The following STYK1 variants were observed in gnomAD, a reference collection of about 807,000 sequenced individuals.
STYK1 encodes the protein tyrosine-protein kinase STYK1.
A neutral mutation model predicts 48.1 loss-of-function variants in STYK1; 46 were observed. The observed-to-expected ratio is 0.96, with a 90% confidence interval of 0.75 to 1.22. The LOEUF is 1.22. Among genes scored for constraint, STYK1 ranks in the 50% most tolerant of loss-of-function variants. The pLI is 0.00. For missense variants in STYK1, 527 were observed against 521.1 expected, an observed-to-expected ratio of 1.01 and a Z score of -0.11; for synonymous variants, 188 against 189.0, an observed-to-expected ratio of 0.99 and a Z score of 0.04.
chr12:10,639,459 G>A (rs1947520670), intron 1 of STYK1, among the ~76,000 whole-genome samples: 1 of 151,840 alleles, frequency 6.6e-6, no homozygotes, highest in Non-Finnish European at 1.5e-5. Context: ...TGTGGGCCCA[G>A]GCTGGAGTGC....
intron 9 of STYK1, among the ~76,000 whole-genome samples, chr12:10,622,347 T>C (rs529428666): frequency 6.6e-6 from 1 of 152,332 alleles, no homozygotes; most frequent in South Asian, 2.1e-4. Flanking sequence ...ACTCTGGGAA[T>C]TATCCTTGGG....
At chr12:10,620,510 A>G (rs1253727320) in intron 10 of STYK1, among the ~76,000 whole-genome samples, 162 bp from the exon 11 acceptor site, 4 of 152,146 alleles carry the variant, frequency 2.6e-5, no homozygotes, top group African/African-American at 9.7e-5. Flanking sequence ...TTCCTTCTCA[A>G]TCTTTTTATA....
At chr12:10,654,066 G>A (rs1947691451) in intron 1 of STYK1, among the ~76,000 whole-genome samples, 1 of 152,098 alleles carries the variant, frequency 6.6e-6, no homozygotes, top group Non-Finnish European at 1.5e-5. Context: ...GTGACCTCTG[G>A]TCATCCTCAC....
chr12:10,627,469 G>A (rs1372109218), intron 7 of STYK1, among the ~76,000 whole-genome samples, 172 bp downstream of exon 7: 2 of 152,090 alleles, frequency 1.3e-5, no homozygotes, highest in Admixed American at 6.5e-5. Context: ...AAATCCCTAA[G>A]GAAGGGACTA....
In STYK1 at chr12:10,619,756, C is replaced by A; in HGVS notation, c.*388G>T. 1 of 375,084 alleles carries A rather than the reference C, an allele frequency of 2.7e-6. No individual in the cohort carries two copies. Among genetic ancestry groups the A allele is most frequent in the Non-Finnish European group, 4.7e-6 (1 of 211,210 alleles). 23.2% of individuals were successfully genotyped at this position (375,084 alleles called of 1,614,324 possible). A position where few individuals can be genotyped will look rare whatever the true frequency, so the allele number is the denominator to read the frequency against. On this transcript the variant is annotated 3_prime_UTR_variant, in exon 11 of 11. Transcript: ENST00000075503. ...TCCCTTCAACTCTTTTATTGGATTTCTATTCCTTCATTTCATTCCAAATTT... is the reference window on the plus strand; with the variant it reads ...TCCCTTCAACTCTTTTATTGGATTTATATTCCTTCATTTCATTCCAAATTT...
At chr12:10,622,501 T>G (rs1244808340) in intron 9 of STYK1, 137 bp downstream of exon 9, 1 of 909,028 alleles carries the variant, frequency 1.1e-6, no homozygotes, top group Non-Finnish European at 1.7e-6. Context: ...GGAATCAGGC[T>G]TAGATAACAT....
intron 9 of STYK1, among the ~76,000 whole-genome samples, chr12:10,622,407 G>A (rs1265185711): frequency 6.6e-6 from 1 of 152,126 alleles, no homozygotes; most frequent in Non-Finnish European, 1.5e-5. Context: ...AAATAAAGAG[G>A]AAGAGAGCAA....
At chr12:10,647,323 G>T (rs1360833716) in intron 1 of STYK1, among the ~76,000 whole-genome samples, 1 of 152,224 alleles carries the variant, frequency 6.6e-6, no homozygotes, top group African/African-American at 2.4e-5. Flanking sequence ...TGACCTGGAT[G>T]TGAGACATAG....
intron 4 of STYK1, 42 bp downstream of exon 4, chr12:10,633,948 T>C: frequency 6.3e-7 from 1 of 1,599,456 alleles, no homozygotes; most frequent in South Asian, 1.1e-5. Context: ...CTAATCTCCA[T>C]CTTCTTTAAG....
At chr12:10,627,396 T>A (rs903533731) in intron 7 of STYK1, among the ~76,000 whole-genome samples, 1 of 152,210 alleles carries the variant, frequency 6.6e-6, no homozygotes, top group South Asian at 2.1e-4. Flanking sequence ...CTGTTCCTTG[T>A]ATAAACCCTA....
In STYK1 at chr12:10,630,959, T is replaced by C; in HGVS notation, c.451+86A>G. ...TTCTGTACACAGTTATGATCACAAC[T>C]ATCTGTTAGTTAACATCTCAATGTT... On this transcript the variant is annotated intron_variant, in intron 5 of 10. Transcript: ENST00000075503. The C allele has an allele frequency of 2.0e-6, 3 of 1,522,592 alleles. No individual in the cohort carries two copies. The Admixed American group carries it at 5.2e-5, about 27-fold the overall frequency. The allele number at this position is 1,522,592 out of a possible 1,614,324, so 94.3% of individuals were successfully genotyped here. A position where few individuals can be genotyped will look rare whatever the true frequency, so the allele number is the denominator to read the frequency against.
chr12:10,663,598 CAAAAAAAAAAAAAAAAAAAAAAAAAA>C (rs34019110), intron 1 of STYK1, among the ~76,000 whole-genome samples: 1 of 51,472 alleles, frequency 1.9e-5, no homozygotes, highest in Non-Finnish European at 3.5e-5. Flanking sequence ...GACTCTGTCT[CAAAAAAAAAAAAAAAAAAAAAAAAAA>C]AAAAAAAAAA....
chr12:10,631,975 C>T (rs867836145), intron 4 of STYK1, among the ~76,000 whole-genome samples: 1 of 152,166 alleles, frequency 6.6e-6, no homozygotes, highest in African/African-American at 2.4e-5. Context: ...AGTCCAGATT[C>T]ACCTGAAGAT....
chr12:10,621,049 G>C (rs1186230908), intron 10 of STYK1, among the ~76,000 whole-genome samples: 1 of 152,064 alleles, frequency 6.6e-6, no homozygotes, highest in African/African-American at 2.4e-5. Context: ...TAATCTGCTT[G>C]ATGCAGTAAT....
At chr12:10,638,033 G>A (rs755062181) in intron 1 of STYK1, among the ~76,000 whole-genome samples, 18 of 152,108 alleles carry the variant, frequency 1.2e-4, no homozygotes, top group Non-Finnish European at 2.4e-4. Flanking sequence ...ATATATGTAG[G>A]CTACTGCTTC....
intron 1 of STYK1, among the ~76,000 whole-genome samples, chr12:10,645,434 A>G (rs1947588283): frequency 6.6e-6 from 1 of 152,074 alleles, no homozygotes; most frequent in Non-Finnish European, 1.5e-5. Context: ...GGGAACTGGT[A>G]ATACCCCAAC....
At chr12:10,669,007 C>A (rs1343893366) in intron 1 of STYK1, among the ~76,000 whole-genome samples, 1 of 151,892 alleles carries the variant, frequency 6.6e-6, no homozygotes, top group East Asian at 1.9e-4. Flanking sequence ...AATGAACTGG[C>A]AAAGGAAGAA....
In STYK1 at chr12:10,672,101, T is replaced by A. The variant is rs1947896826; in HGVS notation, c.-195+1865A>T. 6.6e-6 allele frequency among the ~76,000 whole-genome samples: 1 copy of A among 152,152 alleles called. No homozygotes were observed. Among genetic ancestry groups the A allele is most frequent in the Non-Finnish European group, 1.5e-5 (1 of 68,024 alleles). On this transcript the variant is annotated intron_variant, in intron 1 of 10. Transcript: ENST00000075503. The surrounding 1 kb of genome is among the most constrained non-coding windows in gnomAD (Gnocchi z 4.0). ...AGACATATATACAGGGAGAACACCA[T>A]ATAAACATCAAGACAGCCATCTACA...
In STYK1 at chr12:10,620,221, A is replaced by C. The variant is rs1001809553; in HGVS notation, c.1192T>G (p.Leu398Val). ...DDEAVLQVPE[L>V]VVPELYAAVA... is the part of the protein sequence containing the mutation. The stretch of plus-strand genomic sequence containing the variant: ...GCTGCATACAGTTCAGGTACCACCA[A>C]CTCTGGTACTTGTAACACAGCCTCG... Residue 398 changes from leucine (L) to valine (V), a missense_variant, in exon 11 of 11, where the codon TTG (leucine) becomes GTG (valine). Physicochemically the swap from Leu to Val is conservative, Grantham distance 32. Coordinates refer to ENST00000075503, the MANE Select transcript of STYK1 (RefSeq NM_018423.3). 11 of 1,613,916 alleles carry C rather than the reference A, an allele frequency of 6.8e-6. No homozygotes were observed. Among genetic ancestry groups the C allele is most frequent in the Admixed American group, 5.0e-5 (3 of 59,994 alleles).
Sources: gnomAD v4.1 joint callset for allele counts (sites outside exome capture counted in the v4.1 genomes callset) on GRCh38, gnomAD v4.1.1 for gene constraint, Gnocchi (gnomAD v3.1) non-coding constraint, MANE v1.5 for transcripts, NCBI Gene and HGNC (gene_info 2026-07-23, HGNC 2026-07-21) for gene names.